Variants in HNRNPM observed in about 807,000 individuals in gnomAD.
HNRNPM encodes heterogeneous nuclear ribonucleoprotein M.
Under a neutral mutation model 73.1 loss-of-function variants are expected in HNRNPM, and 11 were observed. That is an observed-to-expected ratio of 0.15 (90% CI 0.09 to 0.25). HNRNPM has a LOEUF of 0.25. HNRNPM is among the 10% of genes least tolerant of loss of function. The probability of loss-of-function intolerance (pLI) is 1.00; values close to 1 mark genes in which losing one functional copy is unlikely to be tolerated. For synonymous variants in HNRNPM, 407 were observed against 355.2 expected (o/e 1.15, Z -1.64); for missense variants, 789 against 1,067.9 (o/e 0.74, Z 3.64).
intron 1 of HNRNPM, among the ~76,000 whole-genome samples, chr19:8,449,908 GACCCC>G (rs1968485058): frequency 6.6e-6 from 1 of 152,216 alleles, no homozygotes; most frequent in African/African-American, 2.4e-5. Flanking sequence ...ACGACATGGT[GACCCC>G]AGCTCTTAGC....
At chr19:8,486,916 C>A in intron 14 of HNRNPM, 108 bp from the exon 15 acceptor site, 1 of 866,112 alleles carries the variant, frequency 1.2e-6, no homozygotes, top group Non-Finnish European at 2.0e-6. Context: ...GGGCAGCCAG[C>A]TTCTCGGTAT....
intron 1 of HNRNPM, among the ~76,000 whole-genome samples, chr19:8,449,916 C>T (rs1254304789): frequency 9.2e-5 from 14 of 152,216 alleles, no homozygotes; most frequent in Admixed American, 9.2e-4. Flanking sequence ...GTGACCCCAG[C>T]TCTTAGCCAC....
chr19:8,471,999 C>T (rs1970174886), intron 10 of HNRNPM, among the ~76,000 whole-genome samples: 1 of 151,948 alleles, frequency 6.6e-6, no homozygotes, highest in African/African-American at 2.4e-5. Context: ...GGTGAAACCC[C>T]ATCTCTACTA....
At chr19:8,454,133 A>C (rs1968824783) in intron 1 of HNRNPM, among the ~76,000 whole-genome samples, 1 of 152,230 alleles carries the variant, frequency 6.6e-6, no homozygotes, top group South Asian at 2.1e-4. Context: ...AACCATCTTA[A>C]GTGTGCAGTG....
At position 8,486,130 on chromosome 19, in the gene HNRNPM, C is replaced by T. The variant is rs777247875; in HGVS notation, c.1702C>T (p.Leu568=). 3.1e-5 allele frequency: 49 copies of T among 1,604,706 alleles called. No homozygotes were observed. Among genetic ancestry groups the T allele is most frequent in the Non-Finnish European group, 3.8e-5 (45 of 1,179,038 alleles). ...CGCCAACAATCTGGAGCGGATGGGCCTGGAGCGCATGGGCGCCAACAGCCT... is the reference window on the plus strand; with the variant it reads ...CGCCAACAATCTGGAGCGGATGGGCTTGGAGCGCATGGGCGCCAACAGCCT... ...MGANNLERMG[L]ERMGANSLER... is the part of the protein sequence containing the mutation. The change falls in exon 14 of 16, where the codon CTG becomes TTG. Residue 568 remains leucine (L), a synonymous_variant. Coordinates refer to ENST00000325495, the MANE Select transcript of HNRNPM (RefSeq NM_005968.5).
chr19:8,469,243 C>T (rs1969968287), intron 9 of HNRNPM, among the ~76,000 whole-genome samples: 1 of 152,194 alleles, frequency 6.6e-6, no homozygotes, highest in South Asian at 2.1e-4. Flanking sequence ...ATGAAAGACA[C>T]ATGCTGCAGT....
rs567300476 is a variant in HNRNPM at position 8,449,537 on chromosome 19, C to CTT, written c.113+4441_113+4442dup. 2.7e-3 allele frequency among the ~76,000 whole-genome samples: 70 copies of CTT among 26,226 alleles called. 12 individuals are homozygous for CTT. Among genetic ancestry groups the CTT allele is most frequent in the Middle Eastern group, 0.02 (1 of 50 alleles). The allele number at this position is 26,226 out of a possible 152,430, so 17.2% of individuals were successfully genotyped here. A position where few individuals can be genotyped will look rare whatever the true frequency, so the allele number is the denominator to read the frequency against. On this transcript the variant is annotated intron_variant, in intron 1 of 15. Transcript: ENST00000325495. ...TTGCCTCACTGTGTGCTAAGAGTCT[C>CTT]TTTTTTTTTTTTTTTTGAGACGGAG...
chr19:8,460,967 T>C lies in HNRNPM; in HGVS notation c.284-1562T>C, dbSNP rs142831360. 5.7e-3 allele frequency among the ~76,000 whole-genome samples: 871 copies of C among 152,340 alleles called. 12 individuals carry two copies. Among genetic ancestry groups the C allele is most frequent in the African/African-American group, 0.02 (831 of 41,562 alleles). ...CTGCATTTTTGGAACTGCTTTACTT[T>C]TTAAGGGTTAAATAAAGCCGCTTTG... On this transcript the variant is annotated intron_variant, in intron 2 of 15. Transcript: ENST00000325495.
chr19:8,480,193 T>C (rs1970811054), intron 12 of HNRNPM, among the ~76,000 whole-genome samples: 1 of 147,558 alleles, frequency 6.8e-6, no homozygotes. Context: ...CTGGCCAATG[T>C]GGTGAAACCC....
chr19:8,480,492 C>T (rs1308853292), intron 12 of HNRNPM, among the ~76,000 whole-genome samples: 1 of 151,822 alleles, frequency 6.6e-6, no homozygotes, highest in Admixed American at 6.6e-5. Context: ...TGGTGAAACC[C>T]CGTCTCTACT....
intron 13 of HNRNPM, 111 bp from the exon 14 acceptor site, chr19:8,485,492 T>G (rs748264854): frequency 1.9e-6 from 2 of 1,065,612 alleles, no homozygotes; most frequent in Non-Finnish European, 2.7e-6. Context: ...TGGTAAATTA[T>G]GGTGGGCCTT....
chr19:8,469,753 G>C (rs976956873), intron 9 of HNRNPM, among the ~76,000 whole-genome samples: 8 of 152,230 alleles, frequency 5.3e-5, no homozygotes, highest in Non-Finnish European at 1.0e-4. Flanking sequence ...TGAGAGGCCT[G>C]TGTGTGCTGT....
intron 5 of HNRNPM, among the ~76,000 whole-genome samples, chr19:8,464,219 C>T (rs117824216): frequency 0.042 from 6,085 of 146,358 alleles, 272 homozygotes; most frequent in African/African-American, 0.11. Context: ...CACTCCAGCC[C>T]GGGCAACAGT....
chr19:8,487,227 T>G, intron 15 of HNRNPM, 152 bp downstream of exon 15: 1 of 728,802 alleles, frequency 1.4e-6, no homozygotes, highest in East Asian at 2.5e-5. Context: ...AGGCAGGTTG[T>G]TGAGTGTCCT....
intron 6 of HNRNPM, among the ~76,000 whole-genome samples, chr19:8,465,744 T>G (rs938418870): frequency 2.0e-5 from 3 of 152,186 alleles, no homozygotes; most frequent in African/African-American, 7.2e-5. Flanking sequence ...CGCAGGTGTT[T>G]CCGCAAGCAG....
rs1051885726 is a variant in HNRNPM at position 8,480,610 on chromosome 19, CCGAG to C, written c.1121-2547_1121-2544del. On this transcript the variant is annotated intron_variant, in intron 12 of 15. Coordinates refer to ENST00000325495, the MANE Select transcript of HNRNPM (RefSeq NM_005968.5). ...CCTGGGAGGTAGAGGTTGCAGTGAGCCGAGATGACACCACTGCACTCTAGCCTGG... is the reference window on the plus strand; with the variant it reads ...CCTGGGAGGTAGAGGTTGCAGTGAGCATGACACCACTGCACTCTAGCCTGG... Among the ~76,000 whole-genome samples, 6 of 151,380 alleles carry C rather than the reference CCGAG, an allele frequency of 4.0e-5. No homozygotes were observed. In the South Asian group the frequency reaches 1.0e-3, roughly 26 times the overall value.
At position 8,470,157 on chromosome 19, in the gene HNRNPM, G is replaced by A. The variant is rs117197308; in HGVS notation, c.896-1169G>A. On this transcript the variant is annotated intron_variant, in intron 9 of 15. Coordinates refer to ENST00000325495, the MANE Select transcript of HNRNPM (RefSeq NM_005968.5). ...TCTTGGTCTCCCGGCCATTTCGGAG[G>A]CTTGACTTCAAAGCCTTCAGTGCTT... Among the ~76,000 whole-genome samples the A allele has an allele frequency of 8.5e-5, 13 of 152,330 alleles. No individual in the cohort carries two copies. In the East Asian group the frequency reaches 2.5e-3, roughly 29 times the overall value.
At chr19:8,473,758 TTC>T (rs1372762902) in intron 11 of HNRNPM, 50 bp downstream of exon 11, 12 of 1,096,924 alleles carry the variant, frequency 1.1e-5, no homozygotes, top group Admixed American at 2.0e-5. Flanking sequence ...AGGCATAGTT[TTC>T]TCTCTTTCCT....
chr19:8,483,523 T>A (rs991525283), intron 13 of HNRNPM, among the ~76,000 whole-genome samples: 3 of 152,256 alleles, frequency 2.0e-5, no homozygotes, highest in African/African-American at 4.8e-5. Context: ...ACCTCTCTTT[T>A]GGGGGTTTTG....
Sources: allele counts gnomAD v4.1 joint callset (sites outside exome capture counted in the v4.1 genomes callset), GRCh38; gene constraint gnomAD v4.1.1; transcripts MANE v1.5; gene names NCBI Gene and HGNC (gene_info 2026-07-23, HGNC 2026-07-21).